The following MYRIP variants were observed in gnomAD, a reference collection of about 807,000 sequenced individuals.
The protein encoded by MYRIP is rab effector MyRIP.
Under a neutral mutation model 98.0 loss-of-function variants are expected in MYRIP, and 49 were observed. The observed-to-expected ratio is 0.50, with a 90% CI of 0.40 to 0.63. The LOEUF (loss-of-function observed/expected upper bound fraction) is 0.63, where lower values mean the gene tolerates loss of function less well. Among genes scored for constraint, MYRIP ranks in the 30% least tolerant of loss-of-function variants. The pLI is 0.00. For synonymous variants in MYRIP, 404 were observed against 409.5 expected, an observed-to-expected ratio of 0.99 and a Z score of 0.16; for missense variants, 1,004 against 1,058.2, an observed-to-expected ratio of 0.95 and a Z score of 0.71.
chr3:39,832,548 G>A (rs983568591), intron 1 of MYRIP, among the ~76,000 whole-genome samples: 22 of 152,276 alleles, frequency 1.4e-4, no homozygotes, highest in Middle Eastern at 3.4e-3. Context: ...TCTCTAGCAT[G>A]GGGAGTTCGG....
intron 3 of MYRIP, among the ~76,000 whole-genome samples, chr3:40,121,220 G>C (rs1019462315): frequency 6.6e-6 from 1 of 152,092 alleles, no homozygotes; most frequent in Non-Finnish European, 1.5e-5. Context: ...AGTCCTAGAA[G>C]GGACCAAGGG....
rs1252114952 is a variant in MYRIP at position 40,212,263 on chromosome 3, T to A, written c.1905+2170T>A. Among the ~76,000 whole-genome samples the A allele has an allele frequency of 4.8e-5, 6 of 125,384 alleles. No individual in the cohort carries two copies. The South Asian group carries it at 1.5e-3, about 32-fold the overall frequency. 82.3% of individuals were successfully genotyped at this position (125,384 alleles called of 152,430 possible). ...ACACACACATATATATATATACACG[T>A]ATATATATAGAGAGAGAGCGCCATA... On this transcript the variant is annotated intron_variant, in intron 11 of 16. Coordinates refer to ENST00000302541, the MANE Select transcript of MYRIP (RefSeq NM_015460.4).
chr3:39,876,672 C>T (rs544839148), intron 1 of MYRIP, among the ~76,000 whole-genome samples: 2 of 152,128 alleles, frequency 1.3e-5, no homozygotes, highest in South Asian at 4.2e-4. Flanking sequence ...TATTGGCCCC[C>T]ACTCTCTTCT....
At chr3:39,872,542 GTGTTCTCAT>G (rs977047087) in intron 1 of MYRIP, among the ~76,000 whole-genome samples, 1 of 136,100 alleles carries the variant, frequency 7.3e-6, no homozygotes, top group African/African-American at 2.8e-5. Flanking sequence ...CTGTGTCCAT[GTGTTCTCAT>G]TGTTCAATTC....
intron 2 of MYRIP, among the ~76,000 whole-genome samples, chr3:39,997,332 T>TA (rs1189168504): frequency 6.6e-6 from 1 of 151,652 alleles, no homozygotes; most frequent in Non-Finnish European, 1.5e-5. Flanking sequence ...AAAGATGGAA[T>TA]AAAAAATGAT....
At chr3:39,961,807 T>C (rs937246431) in intron 2 of MYRIP, among the ~76,000 whole-genome samples, 1 of 152,166 alleles carries the variant, frequency 6.6e-6, no homozygotes, top group African/African-American at 2.4e-5. Context: ...CTTCTCATTA[T>C]AGCATCAGCC....
rs761963096 is a variant in MYRIP, at chr3:39,900,902, G to C, written c.86G>C (p.Arg29Pro). Residue 29 changes from arginine to proline, a missense_variant, in exon 2 of 17, where the codon CGC becomes CCC. By Grantham distance (103) the Arg-to-Pro change is moderately radical. This residue lies in a region of MYRIP where 880 missense variants were observed against 907.7 expected (regional missense o/e 0.97). Transcript: ENST00000302541. ...LQVVQRDFNL[R>P]KKEEERLSEL... ...GTGGTTCAAAGAGACTTCAATCTTCGCAAAAAAGAAGAAGAACGACTAAGG... is the reference window on the plus strand; with the variant it reads ...GTGGTTCAAAGAGACTTCAATCTTCCCAAAAAAGAAGAAGAACGACTAAGG... 6.2e-7 allele frequency: 1 copy of C among 1,612,998 alleles called. No individual in the cohort carries two copies. The highest frequency in any genetic ancestry group is 8.5e-7 in the Non-Finnish European group (1 of 1,179,792).
At chr3:40,152,060 G>T (rs1950135223) in intron 4 of MYRIP, among the ~76,000 whole-genome samples, 1 of 152,162 alleles carries the variant, frequency 6.6e-6, no homozygotes, top group African/African-American at 2.4e-5. Flanking sequence ...AATCATTAGG[G>T]TCTTTTGTTG....
At chr3:40,162,887 G>C (rs1434820586) in intron 5 of MYRIP, 77 bp downstream of exon 5, 20 of 1,366,334 alleles carry the variant, frequency 1.5e-5, no homozygotes, top group Non-Finnish European at 1.7e-5. Flanking sequence ...TACTGCCAGG[G>C]TCCCCCAGAT....
At chr3:40,016,208 C>T (rs1946857504) in intron 2 of MYRIP, among the ~76,000 whole-genome samples, 1 of 152,102 alleles carries the variant, frequency 6.6e-6, no homozygotes, top group South Asian at 2.1e-4. Context: ...TTCTGCCCAG[C>T]TTCTCCTCTG....
chr3:39,844,057 CAG>C (rs1380109872), intron 1 of MYRIP, among the ~76,000 whole-genome samples: 2 of 152,190 alleles, frequency 1.3e-5, no homozygotes, highest in Admixed American at 6.5e-5. Flanking sequence ...GCTTCCTCTG[CAG>C]AGAGTGTTCG....
Position 40,212,095 on chromosome 3 carries a change from T to C in MYRIP, c.1905+2002T>C, listed in dbSNP as rs1422585168. Among the ~76,000 whole-genome samples the C allele has an allele frequency of 2.8e-5, 4 of 141,592 alleles. 1 individual carries two copies. The highest frequency in any genetic ancestry group is 1.0e-4 in the African/African-American group (4 of 38,486). The allele number at this position is 141,592 out of a possible 152,430, so 92.9% of individuals were successfully genotyped here. ...AAGTCCATATAGCCATATATATATA[T>C]GTGTGTGTGTATATATATATACATA... On this transcript the variant is annotated intron_variant, in intron 11 of 16. Coordinates refer to ENST00000302541, the MANE Select transcript of MYRIP (RefSeq NM_015460.4).
intron 2 of MYRIP, among the ~76,000 whole-genome samples, chr3:39,981,549 C>T (rs1233065317): frequency 6.6e-6 from 1 of 152,128 alleles, no homozygotes. Context: ...ATAATAGCTG[C>T]CTTCTGCATT....
Position 40,151,170 on chromosome 3 carries a change from G to C in MYRIP, c.455G>C (p.Cys152Ser), listed in dbSNP as rs1258605623. Residue 152 changes from cysteine (C) to serine (S), a missense_variant, in exon 4 of 17, where the codon TGC becomes TCC. Transcript: ENST00000302541. ...AAGCACCGGCTGGAGAGTGGCGCGT[G>C]CTTCGACATTCTAGGTACTCTCACT... is the stretch of plus-strand genomic sequence containing the variant. ...YRKHRLESGA[C>S]FDILGGSLFE... 5.6e-6 allele frequency: 9 copies of C among 1,604,234 alleles called. No individual in the cohort carries two copies. Among genetic ancestry groups the C allele is most frequent in the Admixed American group, 1.7e-5 (1 of 59,116 alleles).
chr3:39,872,741 T>C (rs576746585), intron 1 of MYRIP, among the ~76,000 whole-genome samples: 2 of 152,334 alleles, frequency 1.3e-5, no homozygotes, highest in Non-Finnish European at 2.9e-5. Context: ...CTATCATTGT[T>C]GGACATTTGG....
intron 2 of MYRIP, among the ~76,000 whole-genome samples, chr3:40,037,102 G>A (rs1161257193): frequency 6.6e-6 from 1 of 151,560 alleles, no homozygotes; most frequent in Non-Finnish European, 1.5e-5. Flanking sequence ...GTAGAAAAAA[G>A]TCCAAATCTA....
rs1361764458 is a variant in MYRIP, at chr3:40,212,239, C to CATATAT, written c.1905+2147_1905+2148insTATATA. 6.6e-4 allele frequency among the ~76,000 whole-genome samples: 30 copies of CATATAT among 45,678 alleles called. 12 individuals are homozygous for CATATAT. In the South Asian group the frequency reaches 6.6e-3, roughly 10 times the overall value. The allele number at this position is 45,678 out of a possible 152,430, so 30.0% of individuals were successfully genotyped here. A position where few individuals can be genotyped will look rare whatever the true frequency, so the allele number is the denominator to read the frequency against. On this transcript the variant is annotated intron_variant, in intron 11 of 16. Coordinates refer to ENST00000302541, the MANE Select transcript of MYRIP (RefSeq NM_015460.4). ...ATATATATATATACACACACACACACACACACATATATATATATACACGTA... is the reference window on the plus strand; with the variant it reads ...ATATATATATATACACACACACACACATATATACACACATATATATATATACACGTA...
chr3:39,925,681 G>A (rs1364805215), intron 2 of MYRIP, among the ~76,000 whole-genome samples: 2 of 151,996 alleles, frequency 1.3e-5, no homozygotes, highest in East Asian at 1.9e-4. Context: ...TAATGGCTGT[G>A]TAGTATTCAA....
At chr3:40,207,123 G>A (rs1575633171) in intron 10 of MYRIP, among the ~76,000 whole-genome samples, 1 of 152,258 alleles carries the variant, frequency 6.6e-6, no homozygotes, top group South Asian at 2.1e-4. Flanking sequence ...CTATTCCTTA[G>A]ACTGGTGTTT....
Sources: gnomAD v4.1 joint callset for allele counts (sites outside exome capture counted in the v4.1 genomes callset) on GRCh38, gnomAD v4.1.1 for gene constraint, gnomAD v4.1.1 regional missense constraint, MANE v1.5 for transcripts, NCBI Gene and HGNC (gene_info 2026-07-23, HGNC 2026-07-21) for gene names.